PTPN14: variants seen among roughly 807,000 people sequenced by gnomAD.
The protein encoded by PTPN14 is protein tyrosine phosphatase non-receptor type 14, also known as tyrosine-protein phosphatase non-receptor type 14.
PTPN14 carries 53 observed loss-of-function variants against 126.8 expected under a neutral mutation model. The ratio of observed to expected loss-of-function variants is 0.42; its 90% CI spans 0.34 to 0.53. The LOEUF is 0.53. Ranked by LOEUF, PTPN14 falls within the 20% of genes least tolerant of loss-of-function variation. PTPN14 has a pLI of 0.08. For missense variants in PTPN14, 1,257 were observed against 1,552.9 expected, an observed-to-expected ratio of 0.81 and a Z score of 3.20; for synonymous variants, 630 against 599.3, an observed-to-expected ratio of 1.05 and a Z score of -0.75.
At chr1:214,435,695 G>A (rs1659896544) in intron 3 of PTPN14, among the ~76,000 whole-genome samples, 1 of 152,142 alleles carries the variant, frequency 6.6e-6, no homozygotes, top group Non-Finnish European at 1.5e-5. Flanking sequence ...AAACCACCAT[G>A]AGGTATACAC....
chr1:214,391,704 T>TA (rs11368443), intron 10 of PTPN14, among the ~76,000 whole-genome samples: 47,403 of 139,244 alleles, frequency 0.34, 8,245 homozygotes, highest in East Asian at 0.56. Flanking sequence ...AGTGTTACCA[T>TA]AAAAAAAAAA....
At chr1:214,473,838 T>C (rs950393276) in intron 1 of PTPN14, among the ~76,000 whole-genome samples, 1 of 152,210 alleles carries the variant, frequency 6.6e-6, no homozygotes, top group African/African-American at 2.4e-5. Flanking sequence ...GATTATTAGT[T>C]TCTTCTATCA....
At chr1:214,416,233 C>G (rs1659422878) in intron 3 of PTPN14, among the ~76,000 whole-genome samples, 1 of 152,152 alleles carries the variant, frequency 6.6e-6, no homozygotes, top group African/African-American at 2.4e-5. Context: ...ATGTTTTTGT[C>G]TAGTGTACTA....
chr1:214,367,759 C>T lies in PTPN14; in HGVS notation c.3271+1698G>A, dbSNP rs184806954. ...AAGCAAGAGGGAGAGCTGCAGCCAC[C>T]GCTGAAAAGCAGAGGAGGGTATCAG... On this transcript the variant is annotated intron_variant, in intron 17 of 18. Coordinates refer to ENST00000366956, the MANE Select transcript of PTPN14 (RefSeq NM_005401.5). Among the ~76,000 whole-genome samples the T allele has an allele frequency of 1.1e-4, 16 of 152,204 alleles. No individual in the cohort carries two copies. In the East Asian group the frequency reaches 2.5e-3, roughly 24 times the overall value.
Position 214,451,988 on chromosome 1 carries a change from T to C in PTPN14, c.175-14A>G, listed in dbSNP as rs369107393. 136 of 1,609,096 alleles carry C rather than the reference T, an allele frequency of 8.5e-5. No homozygotes were observed. Among genetic ancestry groups the C allele is most frequent in the Non-Finnish European group, 1.1e-4 (130 of 1,177,654 alleles). ...AAAGTAGTGCGTCTAGATAAAAGGGTAAAATAGCATCAGTTCATGCTCACC... is the reference window on the plus strand; with the variant it reads ...AAAGTAGTGCGTCTAGATAAAAGGGCAAAATAGCATCAGTTCATGCTCACC... On this transcript the variant is annotated splice_polypyrimidine_tract_variant and intron_variant, in intron 2 of 18. Coordinates refer to ENST00000366956, the MANE Select transcript of PTPN14 (RefSeq NM_005401.5).
At chr1:214,466,562 G>A (rs965595905) in intron 1 of PTPN14, among the ~76,000 whole-genome samples, 2 of 152,112 alleles carry the variant, frequency 1.3e-5, no homozygotes, top group Non-Finnish European at 2.9e-5. Flanking sequence ...TGGCCTTATT[G>A]CTCCACCCTG....
chr1:214,426,922 A>G (rs528959511), intron 3 of PTPN14, among the ~76,000 whole-genome samples: 1 of 152,286 alleles, frequency 6.6e-6, no homozygotes, highest in Non-Finnish European at 1.5e-5. Flanking sequence ...CTAAGTAGGT[A>G]TTCAAATTCT....
At chr1:214,540,169 T>C (rs936848010) in intron 1 of PTPN14, among the ~76,000 whole-genome samples, 2 of 152,292 alleles carry the variant, frequency 1.3e-5, no homozygotes, top group Non-Finnish European at 2.9e-5. Flanking sequence ...ATGTTAGTCA[T>C]TATAACCCAC....
intron 3 of PTPN14, among the ~76,000 whole-genome samples, chr1:214,433,967 A>C (rs879696473): frequency 0.12 from 9,850 of 79,802 alleles, 477 homozygotes; most frequent in Non-Finnish European, 0.2. Flanking sequence ...AAAAAAAAAA[A>C]AAAAACTCAA....
intron 3 of PTPN14, among the ~76,000 whole-genome samples, chr1:214,427,357 G>C (rs966712998): frequency 6.7e-6 from 1 of 150,084 alleles, no homozygotes; most frequent in Middle Eastern, 3.2e-3. Context: ...CATGAAACCA[G>C]CATAAAATGT....
At chr1:214,387,797 C>T (rs1008427466) in intron 11 of PTPN14, among the ~76,000 whole-genome samples, 3 of 152,146 alleles carry the variant, frequency 2.0e-5, no homozygotes, top group Admixed American at 2.0e-4. Context: ...AGCTCCTACA[C>T]ATCAACATAG....
At chr1:214,525,524 C>G (rs1188218460) in intron 1 of PTPN14, among the ~76,000 whole-genome samples, 1 of 152,130 alleles carries the variant, frequency 6.6e-6, no homozygotes, top group Non-Finnish European at 1.5e-5. Flanking sequence ...TGAATCTTTC[C>G]TGGACAAAAA....
At chr1:214,540,964 C>T (rs2102482663) in intron 1 of PTPN14, among the ~76,000 whole-genome samples, 1 of 152,230 alleles carries the variant, frequency 6.6e-6, no homozygotes, top group African/African-American at 2.4e-5. Flanking sequence ...TCTCTTACAT[C>T]TATTACTCAT....
chr1:214,383,304 C>A lies in PTPN14; in HGVS notation c.2544+7G>T. On this transcript the variant is annotated splice_region_variant and intron_variant, in intron 13 of 18. Transcript: ENST00000366956. The surrounding 1 kb of genome is among the most constrained non-coding windows in gnomAD (Gnocchi z 4.4). ...TGGAAAATGCCCTGGGAGAGGAGGA[C>A]ACTCACCCTGATCATCATCTCTCTC... The A allele has an allele frequency of 6.2e-7, 1 of 1,605,718 alleles. No homozygotes were observed. Among genetic ancestry groups the A allele is most frequent in the Non-Finnish European group, 8.5e-7 (1 of 1,173,514 alleles).
chr1:214,440,560 T>C (rs1660017251), intron 3 of PTPN14, among the ~76,000 whole-genome samples: 1 of 152,066 alleles, frequency 6.6e-6, no homozygotes, highest in African/African-American at 2.4e-5. Flanking sequence ...AGAAATAAAG[T>C]TTTCAAATGA....
Position 214,384,417 on chromosome 1 carries a change from G to T in PTPN14, c.1438C>A (p.Pro480Thr). Residue 480 changes from proline (P) to threonine (T), a missense_variant, in exon 13 of 19, where the codon CCA becomes ACA. Around this residue, in one of 3 missense-constraint regions of PTPN14, gnomAD observed 1,021 missense variants for 1,183.3 expected, o/e 0.86. Coordinates refer to ENST00000366956, the MANE Select transcript of PTPN14 (RefSeq NM_005401.5). The surrounding 1 kb of genome is among the most constrained non-coding windows in gnomAD (Gnocchi z 5.3). The part of the protein sequence containing the change: ...NIINTHAYNQ[P>T]EDLVYSQPEM... ...GGTTGGCTGTACACCAGATCCTCTGGCTGGTTGTAGGCATGGGTGTTGATA... is the reference window on the plus strand; with the variant it reads ...GGTTGGCTGTACACCAGATCCTCTGTCTGGTTGTAGGCATGGGTGTTGATA... 6.2e-7 allele frequency: 1 copy of T among 1,614,152 alleles called. No individual in the cohort carries two copies. The highest frequency in any genetic ancestry group is 1.1e-5 in the South Asian group (1 of 91,082).
intron 1 of PTPN14, chr1:214,528,282 CGT>C (rs1558143051): frequency 6.6e-6 from 1 of 152,076 alleles, no homozygotes; most frequent in East Asian, 1.9e-4. Context: ...TGTACAAAGA[CGT>C]TAATGGTATT....
chr1:214,390,257 A>T (rs1658718183), intron 11 of PTPN14, among the ~76,000 whole-genome samples: 1 of 152,256 alleles, frequency 6.6e-6, no homozygotes, highest in African/African-American at 2.4e-5. Flanking sequence ...AAAGAAAACC[A>T]ATTCTTAACA....
chr1:214,364,648 C>A lies in PTPN14; in HGVS notation c.3299G>T (p.Arg1100Leu), dbSNP rs140773516. The change falls in exon 18 of 19, where the codon CGT (arginine) becomes CTT (leucine). Residue 1100 changes from arginine (R) to leucine (L), a missense_variant. Around this residue, in one of 3 missense-constraint regions of PTPN14, gnomAD observed 171 missense variants for 229.8 expected, o/e 0.74. Transcript: ENST00000366956. This position sits in a 1 kb window ranked among gnomAD's most constrained non-coding sequence, Gnocchi z 4.1. Reference sequence around the variant, plus strand: ...TTCCAGCATGCTGTTGGTATGGCGACGGACCGACTGGATCTCCTCCAAGTA... The same window carrying A: ...TTCCAGCATGCTGTTGGTATGGCGAAGGACCGACTGGATCTCCTCCAAGTA... ...LSYLEEIQSV[R>L]RHTNSMLEGT... 1 of 1,613,654 alleles carries A rather than the reference C, an allele frequency of 6.2e-7. No homozygotes were observed. The highest frequency in any genetic ancestry group is 1.3e-5 in the African/African-American group (1 of 74,832).
Sources: allele counts gnomAD v4.1 joint callset (sites outside exome capture counted in the v4.1 genomes callset), GRCh38; gene constraint gnomAD v4.1.1; regional missense constraint gnomAD v4.1.1; non-coding constraint Gnocchi (gnomAD v3.1); transcripts MANE v1.5; gene names NCBI Gene and HGNC (gene_info 2026-07-23, HGNC 2026-07-21).